Variants in SP4 observed in about 807,000 individuals in gnomAD.
SP4 encodes the protein Sp4 transcription factor.
A neutral mutation model predicts 72.8 loss-of-function variants in SP4; 19 were observed. The ratio of observed to expected loss-of-function variants is 0.26; its 90% CI spans 0.18 to 0.38. The LOEUF (loss-of-function observed/expected upper bound fraction) is 0.38, where lower values mean the gene tolerates loss of function less well. Ranked by LOEUF, SP4 falls within the 10% of genes least tolerant of loss-of-function variation. The pLI, the probability that SP4 is intolerant of heterozygous loss-of-function variation, is 1.00. For synonymous variants in SP4, 395 were observed against 333.1 expected (o/e 1.19, Z -2.02); for missense variants, 1,008 against 926.3 (o/e 1.09, Z -1.14).
In SP4 at chr7:21,428,251, G is replaced by A. The variant is rs1782685685; in HGVS notation, c.-1G>A. 1 of 1,527,154 alleles carries A rather than the reference G, an allele frequency of 6.5e-7. No homozygotes were observed. Among genetic ancestry groups the A allele is most frequent in the Non-Finnish European group, 8.9e-7 (1 of 1,124,138 alleles). 94.6% of individuals were successfully genotyped at this position (1,527,154 alleles called of 1,614,324 possible). A position where few individuals can be genotyped will look rare whatever the true frequency, so the allele number is the denominator to read the frequency against. ...CTGAGGGTTTGTCCTGTTAATGCGG[G>A]ATGAGCGGTACGTATTCTCCACCCC... is the stretch of plus-strand genomic sequence containing the variant. On this transcript the variant is annotated 5_prime_UTR_variant, in exon 1 of 6. Transcript: ENST00000222584.
At position 21,512,013 on chromosome 7, in the gene SP4, A is replaced by G. The variant is rs147995314; in HGVS notation, c.*744A>G. 396 of 152,746 alleles carry G rather than the reference A, an allele frequency of 2.6e-3. 2 individuals carry two copies. Among genetic ancestry groups the G allele is most frequent in the Non-Finnish European group, 2.7e-3 (184 of 68,006 alleles). 9.5% of individuals were successfully genotyped at this position (152,746 alleles called of 1,614,324 possible). A position where few individuals can be genotyped will look rare whatever the true frequency, so the allele number is the denominator to read the frequency against. On this transcript the variant is annotated 3_prime_UTR_variant, in exon 6 of 6. Transcript: ENST00000222584. ...TGCTGGGAAAAAAATGGTTAAAACA[A>G]AACTCATCATAGCTTCAGAAAAATA...
intron 3 of SP4, among the ~76,000 whole-genome samples, chr7:21,439,344 CT>C (rs1783156748): frequency 6.6e-6 from 1 of 151,902 alleles, no homozygotes; most frequent in Non-Finnish European, 1.5e-5. Flanking sequence ...TTATGCTGAT[CT>C]TTTATTTGTA....
At chr7:21,489,423 C>T (rs1181060426) in intron 5 of SP4, among the ~76,000 whole-genome samples, 1 of 151,366 alleles carries the variant, frequency 6.6e-6, no homozygotes, top group African/African-American at 2.4e-5. Flanking sequence ...TGGGCTCAAG[C>T]AGTCCTCCCA....
chr7:21,455,058 T>A (rs1214316380), intron 3 of SP4, among the ~76,000 whole-genome samples: 1 of 152,164 alleles, frequency 6.6e-6, no homozygotes, highest in East Asian at 1.9e-4. Context: ...AATGTCTGAT[T>A]TGGAAGCCAG....
intron 3 of SP4, among the ~76,000 whole-genome samples, chr7:21,444,357 G>A (rs974597614): frequency 4.6e-5 from 7 of 152,154 alleles, no homozygotes; most frequent in Admixed American, 3.9e-4. Context: ...TTTACTGCAC[G>A]TTTATAGTAT....
intron 5 of SP4, among the ~76,000 whole-genome samples, chr7:21,500,490 A>G (rs557998998): frequency 9.8e-5 from 15 of 152,308 alleles, no homozygotes; most frequent in African/African-American, 3.6e-4. Context: ...GCCAAAATCA[A>G]GGCTTTGGCA....
At chr7:21,510,997 C>T (rs1016707755) in intron 5 of SP4, 25 bp from the exon 6 acceptor site, 38 of 1,577,664 alleles carry the variant, frequency 2.4e-5, no homozygotes, top group Non-Finnish European at 3.1e-5. Flanking sequence ...ATGTGTATAA[C>T]GCCATTTACT....
At chr7:21,473,402 C>T (rs1784405955) in intron 3 of SP4, among the ~76,000 whole-genome samples, 1 of 152,092 alleles carries the variant, frequency 6.6e-6, no homozygotes, top group African/African-American at 2.4e-5. Context: ...TATTTTTAAA[C>T]TTTGATTTAT....
intron 3 of SP4, among the ~76,000 whole-genome samples, chr7:21,439,514 CTT>C (rs1326184441): frequency 8.3e-5 from 12 of 143,830 alleles, no homozygotes; most frequent in African/African-American, 7.6e-5. Context: ...CTTTTCTTTC[CTT>C]TTTTTTTTTT....
intron 5 of SP4, 93 bp downstream of exon 5, chr7:21,482,216 G>C: frequency 1.1e-6 from 1 of 932,150 alleles, no homozygotes. Context: ...TTGGAAATAT[G>C]CAAATGAAGG....
intron 3 of SP4, among the ~76,000 whole-genome samples, chr7:21,454,695 G>C (rs1349091805): frequency 6.6e-6 from 1 of 152,094 alleles, no homozygotes; most frequent in African/African-American, 2.4e-5. Context: ...TTTTACTAAG[G>C]CTTTTCCCAA....
rs377130475 is a variant in SP4 at position 21,458,912 on chromosome 7, A to C, written c.1679-18167A>C. On this transcript the variant is annotated intron_variant, in intron 3 of 5. Coordinates refer to ENST00000222584, the MANE Select transcript of SP4 (RefSeq NM_003112.5). ...GAGATGCAGCTTAAAATAGCCATCT[A>C]TGGAGTTAGACTGATCCATGACAGC... Among the ~76,000 whole-genome samples, 38 of 152,238 alleles carry C rather than the reference A, an allele frequency of 2.5e-4. No homozygotes were observed. In the East Asian group the frequency reaches 5.2e-3, roughly 21 times the overall value.
chr7:21,504,555 T>C (rs1457395287), intron 5 of SP4, among the ~76,000 whole-genome samples: 1 of 152,196 alleles, frequency 6.6e-6, no homozygotes, highest in Admixed American at 6.5e-5. Flanking sequence ...GGAGCTTCCC[T>C]AAGGTTTGGT....
intron 3 of SP4, among the ~76,000 whole-genome samples, chr7:21,435,203 G>A (rs564503892): frequency 3.2e-4 from 48 of 152,222 alleles, no homozygotes; most frequent in Non-Finnish European, 6.0e-4. Context: ...GTCAATTTTA[G>A]TGGAAATTAA....
intron 5 of SP4, among the ~76,000 whole-genome samples, chr7:21,499,413 C>T (rs1437912166): frequency 1.3e-5 from 2 of 152,096 alleles, no homozygotes; most frequent in East Asian, 1.9e-4. Context: ...GCCCTAAACT[C>T]AATAGCTGAT....
chr7:21,450,318 G>A (rs1001829741), intron 3 of SP4, among the ~76,000 whole-genome samples: 3 of 152,120 alleles, frequency 2.0e-5, no homozygotes, highest in Non-Finnish European at 4.4e-5. Flanking sequence ...AAACAAAAAT[G>A]ATTTAGGAAA....
rs200714156 is a variant in SP4 at position 21,514,351 on chromosome 7, TGTG to T, written c.*3086_*3088del. The stretch of plus-strand genomic sequence containing the variant: ...TATTTAAGTCTCCATTTTAATGCCT[TGTG>T]GTGTTTTTTTATGCATGTCACTAAG... On this transcript the variant is annotated 3_prime_UTR_variant, in exon 6 of 6. Coordinates refer to ENST00000222584, the MANE Select transcript of SP4 (RefSeq NM_003112.5). The T allele has an allele frequency of 1.2e-3, 183 of 152,706 alleles. 1 individual carries two copies. Among genetic ancestry groups the T allele is most frequent in the African/African-American group, 4.0e-3 (168 of 41,574 alleles). 9.5% of individuals were successfully genotyped at this position (152,706 alleles called of 1,614,324 possible).
intron 3 of SP4, among the ~76,000 whole-genome samples, chr7:21,476,559 G>C (rs1784506804): frequency 6.6e-6 from 1 of 152,088 alleles, no homozygotes; most frequent in Admixed American, 6.6e-5. Flanking sequence ...ACTAAAAAAA[G>C]TCGAATCAAT....
intron 3 of SP4, among the ~76,000 whole-genome samples, chr7:21,456,778 C>T (rs532917154): frequency 6.6e-6 from 1 of 152,304 alleles, no homozygotes; most frequent in South Asian, 2.1e-4. Flanking sequence ...TCTCACAAGC[C>T]GCCTGTCAGT....
Sources: allele counts gnomAD v4.1 joint callset (sites outside exome capture counted in the v4.1 genomes callset), GRCh38; gene constraint gnomAD v4.1.1; transcripts MANE v1.5; gene names NCBI Gene and HGNC (gene_info 2026-07-23, HGNC 2026-07-21).